CCNY: variants seen among roughly 807,000 people sequenced by gnomAD.
CCNY encodes the protein cyclin Y, also known as cyclin-Y.
Under a neutral mutation model 42.8 loss-of-function variants are expected in CCNY, and 19 were observed. The observed-to-expected ratio is 0.44, with a 90% CI of 0.31 to 0.65. The LOEUF (loss-of-function observed/expected upper bound fraction) is 0.65, where lower values mean the gene tolerates loss of function less well. Among genes scored for constraint, CCNY ranks in the 30% least tolerant of loss-of-function variants. CCNY has a pLI of 0.07. For synonymous variants in CCNY, 165 were observed against 162.7 expected (o/e 1.01, Z -0.11); for missense variants, 370 against 437.3 (o/e 0.85, Z 1.37).
intron 3 of CCNY, among the ~76,000 whole-genome samples, chr10:35,284,426 T>C (rs1012987319): frequency 5.9e-5 from 9 of 152,206 alleles, no homozygotes; most frequent in African/African-American, 1.9e-4. Context: ...TAGTTGTTCA[T>C]AGTATTTCCT....
intron 1 of CCNY, among the ~76,000 whole-genome samples, chr10:35,399,716 T>C (rs1310301769): frequency 6.6e-6 from 1 of 152,230 alleles, no homozygotes; most frequent in Non-Finnish European, 1.5e-5. Flanking sequence ...ATCTCTCTTC[T>C]GCAGTAGATC....
At chr10:35,490,575 G>T (rs890907254) in intron 2 of CCNY, among the ~76,000 whole-genome samples, 1 of 152,164 alleles carries the variant, frequency 6.6e-6, no homozygotes, top group Non-Finnish European at 1.5e-5. Context: ...TTTGCTTGGG[G>T]GTCTAACGCC....
chr10:35,404,867 C>G (rs1443886199), intron 1 of CCNY, among the ~76,000 whole-genome samples: 2 of 152,128 alleles, frequency 1.3e-5, no homozygotes, highest in Non-Finnish European at 2.9e-5. Context: ...GTCCACGAAG[C>G]CTTGCAGCAG....
chr10:35,500,610 T>G (rs1196114693), intron 2 of CCNY, among the ~76,000 whole-genome samples: 1 of 152,238 alleles, frequency 6.6e-6, no homozygotes, highest in Admixed American at 6.5e-5. Flanking sequence ...TGAAACCTAT[T>G]CTTCATGTCT....
intron 1 of CCNY, among the ~76,000 whole-genome samples, chr10:35,422,379 G>A (rs1308898205): frequency 6.6e-6 from 1 of 152,170 alleles, no homozygotes; most frequent in African/African-American, 2.4e-5. Flanking sequence ...TTAGATCCGA[G>A]CTCCTGGCTG....
intron 1 of CCNY, among the ~76,000 whole-genome samples, chr10:35,368,519 C>T (rs1444412973): frequency 1.3e-5 from 2 of 152,208 alleles, no homozygotes; most frequent in South Asian, 4.1e-4. Flanking sequence ...ATTTTATACT[C>T]TGTTCAGATG....
intron 3 of CCNY, among the ~76,000 whole-genome samples, chr10:35,259,213 C>A (rs1054776547): frequency 6.6e-6 from 1 of 152,090 alleles, no homozygotes; most frequent in Non-Finnish European, 1.5e-5. Flanking sequence ...TCTGTCCAGG[C>A]CTTTGTTTGA....
intron 1 of CCNY, among the ~76,000 whole-genome samples, chr10:35,458,392 T>G (rs1414467465): frequency 1.3e-5 from 2 of 152,274 alleles, no homozygotes; most frequent in African/African-American, 2.4e-5. Context: ...TTGTAAAGAT[T>G]CTGAACTGAG....
At chr10:35,448,842 T>G (rs1348772630) in intron 1 of CCNY, among the ~76,000 whole-genome samples, 2 of 152,014 alleles carry the variant, frequency 1.3e-5, no homozygotes, top group African/African-American at 4.8e-5. Flanking sequence ...TAATGCAGTT[T>G]TGGCAGGATT....
intron 1 of CCNY, among the ~76,000 whole-genome samples, chr10:35,387,089 A>G (rs528977372): frequency 4.2e-4 from 64 of 152,272 alleles, no homozygotes; most frequent in African/African-American, 1.4e-3. Context: ...CTGTCCTTTT[A>G]TTCTAGAGGT....
chr10:35,393,318 G>A (rs1837454823), intron 1 of CCNY, among the ~76,000 whole-genome samples: 1 of 149,014 alleles, frequency 6.7e-6, no homozygotes, highest in African/African-American at 2.6e-5. Flanking sequence ...CTTGCTGTCC[G>A]GGCTTTTTGT....
At chr10:35,379,048 A>G (rs2135188858) in intron 1 of CCNY, among the ~76,000 whole-genome samples, 1 of 152,278 alleles carries the variant, frequency 6.6e-6, no homozygotes, top group African/African-American at 2.4e-5. Context: ...TACTTTGGGA[A>G]ATGCTGTTGC....
chr10:35,254,068 G>A (rs2095713849), intron 3 of CCNY, among the ~76,000 whole-genome samples: 1 of 151,866 alleles, frequency 6.6e-6, no homozygotes, highest in Non-Finnish European at 1.5e-5. Flanking sequence ...TAGTAGAGAT[G>A]GGGTTTCACC....
intron 2 of CCNY, among the ~76,000 whole-genome samples, chr10:35,248,841 A>G (rs987229641): frequency 3.3e-5 from 5 of 152,172 alleles, no homozygotes; most frequent in Non-Finnish European, 5.9e-5. Context: ...GTTGTCTCTA[A>G]AAAAGAAAAA....
At chr10:35,404,959 C>A (rs1837725681) in intron 1 of CCNY, among the ~76,000 whole-genome samples, 1 of 151,826 alleles carries the variant, frequency 6.6e-6, no homozygotes, top group South Asian at 2.1e-4. Context: ...ATGAAGGGTG[C>A]AAAGGAATAG....
chr10:35,351,379 G>A (rs1057302084), intron 1 of CCNY, among the ~76,000 whole-genome samples: 6 of 152,172 alleles, frequency 3.9e-5, no homozygotes, highest in Admixed American at 3.9e-4. Flanking sequence ...GTATTCTGTG[G>A]TCCTTCAAAG....
chr10:35,358,946 G>A (rs1413645806), intron 1 of CCNY, among the ~76,000 whole-genome samples: 1 of 152,270 alleles, frequency 6.6e-6, no homozygotes, highest in Non-Finnish European at 1.5e-5. Flanking sequence ...CCCGTCGGCT[G>A]CCAGGGAAGT....
intron 3 of CCNY, among the ~76,000 whole-genome samples, chr10:35,272,247 A>T (rs1438130332): frequency 1.3e-5 from 2 of 150,514 alleles, no homozygotes; most frequent in African/African-American, 4.9e-5. Flanking sequence ...TCGGCCTCCC[A>T]AAGTGCTGGG....
chr10:35,392,789 G>A (rs948891430), intron 1 of CCNY, among the ~76,000 whole-genome samples: 1 of 152,252 alleles, frequency 6.6e-6, no homozygotes, highest in African/African-American at 2.4e-5. Context: ...GAGGTGGAGC[G>A]GCCAGGAGGA....
Sources: allele counts gnomAD v4.1 joint callset (sites outside exome capture counted in the v4.1 genomes callset), GRCh38; gene constraint gnomAD v4.1.1; transcripts MANE v1.5; gene names NCBI Gene and HGNC (gene_info 2026-07-23, HGNC 2026-07-21).